The following NALCN variants were observed in gnomAD, a reference collection of about 807,000 sequenced individuals.
The protein encoded by NALCN is sodium leak channel, non-selective.
Under a neutral mutation model 225.3 loss-of-function variants are expected in NALCN, and 111 were observed. That is an observed-to-expected ratio of 0.49 (90% CI 0.42 to 0.58). The LOEUF (loss-of-function observed/expected upper bound fraction) is 0.58, where lower values mean the gene tolerates loss of function less well. Ranked by LOEUF, NALCN falls within the 20% of genes least tolerant of loss-of-function variation. The pLI, the probability that NALCN is intolerant of heterozygous loss-of-function variation, is 0.00. For synonymous variants in NALCN, 764 were observed against 769.0 expected, an observed-to-expected ratio of 0.99 and a Z score of 0.11; for missense variants, 1,378 against 2,202.4, an observed-to-expected ratio of 0.63 and a Z score of 7.49.
intron 17 of NALCN, among the ~76,000 whole-genome samples, chr13:101,142,036 T>G (rs924741507): frequency 6.6e-6 from 1 of 152,074 alleles, no homozygotes; most frequent in African/African-American, 2.4e-5. Flanking sequence ...ATATATATAG[T>G]TTGATACTAT....
chr13:101,202,956 G>A (rs920499415), intron 13 of NALCN, among the ~76,000 whole-genome samples: 6 of 152,174 alleles, frequency 3.9e-5, no homozygotes, highest in Non-Finnish European at 7.4e-5. Context: ...TGCTTTCACA[G>A]CGTCTGAGTC....
At chr13:101,291,160 T>C (rs1297516320) in intron 9 of NALCN, among the ~76,000 whole-genome samples, 1 of 152,226 alleles carries the variant, frequency 6.6e-6, no homozygotes, top group East Asian at 1.9e-4. Context: ...TCCTTCTGAA[T>C]ATATAGGGAT....
At chr13:101,214,865 G>A (rs759355213) in intron 13 of NALCN, among the ~76,000 whole-genome samples, 4 of 152,074 alleles carry the variant, frequency 2.6e-5, no homozygotes, top group Non-Finnish European at 5.9e-5. Context: ...ATGGCAAAAG[G>A]GGATGACAAG....
At chr13:101,058,813 A>G (rs1391268187) in intron 42 of NALCN, 2 of 152,280 alleles carry the variant, frequency 1.3e-5, no homozygotes, top group African/African-American at 2.4e-5. Flanking sequence ...GACATTGCCA[A>G]CCATCTTCAG....
chr13:101,315,748 A>G (rs1041120722), intron 7 of NALCN, among the ~76,000 whole-genome samples: 1 of 152,212 alleles, frequency 6.6e-6, no homozygotes, highest in Non-Finnish European at 1.5e-5. Context: ...TTTCTTAAAT[A>G]TAGTAAACAC....
intron 7 of NALCN, among the ~76,000 whole-genome samples, chr13:101,304,127 A>G (rs777640709): frequency 6.6e-6 from 1 of 152,154 alleles, no homozygotes; most frequent in Non-Finnish European, 1.5e-5. Context: ...TTTGAGCTTC[A>G]ATGACCTCCA....
chr13:101,144,365 GAAAATAAAAGGGCC>G (rs2037238693), intron 16 of NALCN, among the ~76,000 whole-genome samples: 1 of 152,168 alleles, frequency 6.6e-6, no homozygotes, highest in South Asian at 2.1e-4. Context: ...CTGTTTGCTT[GAAAATAAAAGGGCC>G]ACAGAGGCAA....
chr13:101,256,009 T>G (rs2042217434), intron 11 of NALCN, among the ~76,000 whole-genome samples: 1 of 152,176 alleles, frequency 6.6e-6, no homozygotes, highest in African/African-American at 2.4e-5. Flanking sequence ...GACTCCACTC[T>G]TCTCTCCAAG....
intron 3 of NALCN, among the ~76,000 whole-genome samples, chr13:101,386,098 T>C (rs548878869): frequency 6.6e-6 from 1 of 152,276 alleles, no homozygotes; most frequent in East Asian, 1.9e-4. Context: ...AAACATCCAC[T>C]GTGGTTTGAT....
chr13:101,362,857 A>G (rs192169451), intron 6 of NALCN, among the ~76,000 whole-genome samples: 3 of 152,260 alleles, frequency 2.0e-5, no homozygotes, highest in African/African-American at 7.2e-5. Context: ...ACTCCACCAA[A>G]AACTGTTAGA....
chr13:101,080,620 A>ATT (rs199520857), intron 34 of NALCN, among the ~76,000 whole-genome samples: 49,082 of 143,866 alleles, frequency 0.34, 9,095 homozygotes, highest in East Asian at 0.57. Context: ...TAATCAATTA[A>ATT]ATTAATTATT....
At chr13:101,304,296 A>G (rs2044075948) in intron 7 of NALCN, among the ~76,000 whole-genome samples, 1 of 152,130 alleles carries the variant, frequency 6.6e-6, no homozygotes, top group Admixed American at 6.5e-5. Context: ...GTTCTGGGAT[A>G]CATGTGCAGA....
At chr13:101,148,022 A>G (rs760317179) in intron 15 of NALCN, among the ~76,000 whole-genome samples, 2 of 152,148 alleles carry the variant, frequency 1.3e-5, no homozygotes, top group Non-Finnish European at 2.9e-5. Context: ...AGCTCATAAC[A>G]TGGTAGGATG....
chr13:101,141,990 T>A (rs1399547858), intron 17 of NALCN, among the ~76,000 whole-genome samples: 3 of 152,152 alleles, frequency 2.0e-5, no homozygotes, highest in Non-Finnish European at 4.4e-5. Flanking sequence ...TCTTTCATTT[T>A]CTAACTGAAC....
Position 101,089,666 on chromosome 13 carries a change from G to A in NALCN, c.3486C>T (p.Asn1162=), listed in dbSNP as rs1431855603. ...VGVVIANFNE[N]KGTALLTVDQ... ...TATCCAAACCAAAAATCCTTACCTT[G>A]TTTTCATTGAAATTAGCAATAACTA... The change falls in exon 30 of 44, where the codon AAC becomes AAT. Residue 1162 remains asparagine (N), a synonymous_variant. Coordinates refer to ENST00000251127, the MANE Select transcript of NALCN (RefSeq NM_052867.4). The surrounding 1 kb of genome is among the most constrained non-coding windows in gnomAD (Gnocchi z 4.7). 2.5e-6 allele frequency: 4 copies of A among 1,613,474 alleles called. No homozygotes were observed. The highest frequency in any genetic ancestry group is 3.3e-5 in the Admixed American group (2 of 59,994).
intron 13 of NALCN, among the ~76,000 whole-genome samples, chr13:101,194,789 A>G (rs1322234458): frequency 2.0e-5 from 3 of 152,202 alleles, no homozygotes; most frequent in African/African-American, 7.2e-5. Context: ...AGATCACTTG[A>G]GGTCAGGAGT....
At chr13:101,072,632 A>G (rs2032974551) in intron 37 of NALCN, among the ~76,000 whole-genome samples, 1 of 151,820 alleles carries the variant, frequency 6.6e-6, no homozygotes, top group African/African-American at 2.4e-5. Context: ...AAGTCCCAGC[A>G]CTCCTACTGT....
intron 1 of NALCN, among the ~76,000 whole-genome samples, chr13:101,401,127 T>G (rs1377322856): frequency 6.6e-6 from 1 of 152,198 alleles, no homozygotes; most frequent in Non-Finnish European, 1.5e-5. Context: ...GAAAACAAGC[T>G]AACTGGCTTG....
intron 12 of NALCN, among the ~76,000 whole-genome samples, chr13:101,235,336 C>A (rs2041514634): frequency 1.3e-5 from 2 of 152,066 alleles, no homozygotes. Flanking sequence ...GAGACTATAG[C>A]AATTTTAAGG....
Sources: gnomAD v4.1 joint callset for allele counts (sites outside exome capture counted in the v4.1 genomes callset) on GRCh38, gnomAD v4.1.1 for gene constraint, Gnocchi (gnomAD v3.1) non-coding constraint, MANE v1.5 for transcripts, NCBI Gene and HGNC (gene_info 2026-07-23, HGNC 2026-07-21) for gene names.